The following ITPK1 variants were observed in gnomAD, a reference collection of about 807,000 sequenced individuals.
ITPK1 encodes inositol-tetrakisphosphate 1-kinase.
Under a neutral mutation model 45.3 loss-of-function variants are expected in ITPK1, and 21 were observed. The ratio of observed to expected loss-of-function variants is 0.46; its 90% confidence interval spans 0.33 to 0.67. The LOEUF (loss-of-function observed/expected upper bound fraction) is 0.67. Ranked by LOEUF, ITPK1 falls within the 30% of genes least tolerant of loss-of-function variation. The pLI is 0.02. For missense variants in ITPK1, 474 were observed against 573.5 expected (o/e 0.83, Z 1.77); for synonymous variants, 258 against 253.6 (o/e 1.02, Z -0.16).
chr14:92,982,849 A>G (rs1886300904), intron 5 of ITPK1, among the ~76,000 whole-genome samples: 1 of 152,200 alleles, frequency 6.6e-6, no homozygotes, highest in East Asian at 1.9e-4. Flanking sequence ...TGCTCCTTGA[A>G]GGCATCTAAG....
intron 3 of ITPK1, among the ~76,000 whole-genome samples, chr14:93,074,069 A>G (rs1017407437): frequency 6.6e-6 from 1 of 152,256 alleles, no homozygotes; most frequent in Non-Finnish European, 1.5e-5. Flanking sequence ...AAGCCAGCCA[A>G]GTGGCTTGGC....
At chr14:93,097,070 C>T (rs1892108532) in intron 2 of ITPK1, among the ~76,000 whole-genome samples, 1 of 152,176 alleles carries the variant, frequency 6.6e-6, no homozygotes, top group Non-Finnish European at 1.5e-5. Flanking sequence ...CTTCTCCGCC[C>T]CTCCCCATAC....
Position 93,113,020 on chromosome 14 carries a change from TAAG to T in ITPK1, c.95+2046_95+2048del. Among the ~76,000 whole-genome samples, 2 of 152,108 alleles carry T rather than the reference TAAG, an allele frequency of 1.3e-5. 1 individual carries two copies. The highest frequency in any genetic ancestry group is 4.2e-4 in the South Asian group (2 of 4,812). ...GGGGCACTGCCCTGAAAGTAATAAATAAGAAACGGAAAAACTCTTTGGTGTTTT... is the reference window on the plus strand; with the variant it reads ...GGGGCACTGCCCTGAAAGTAATAAATAAACGGAAAAACTCTTTGGTGTTTT... On this transcript the variant is annotated intron_variant, in intron 2 of 10. Transcript: ENST00000267615.
At chr14:92,977,899 T>C (rs1484975812) in intron 5 of ITPK1, among the ~76,000 whole-genome samples, 2 of 151,930 alleles carry the variant, frequency 1.3e-5, no homozygotes, top group South Asian at 2.1e-4. Flanking sequence ...GGGGCACTGC[T>C]ATAAGGATAT....
chr14:93,047,396 T>C (rs1889822132), intron 3 of ITPK1, among the ~76,000 whole-genome samples: 1 of 152,198 alleles, frequency 6.6e-6, no homozygotes, highest in Non-Finnish European at 1.5e-5. Flanking sequence ...TGATCTTACT[T>C]GAAAACAGGG....
At chr14:93,072,130 T>TTA (rs1422752957) in intron 3 of ITPK1, 1 of 133,646 alleles carries the variant, frequency 7.5e-6, no homozygotes, top group African/African-American at 3.1e-5. Flanking sequence ...CCATCTCTAC[T>TTA]TAAAAAAAAA....
chr14:93,021,067 T>C (rs1179113345), intron 3 of ITPK1, among the ~76,000 whole-genome samples: 1 of 152,094 alleles, frequency 6.6e-6, no homozygotes, highest in South Asian at 2.1e-4. Flanking sequence ...ACTATTCTTA[T>C]TATTACTGAC....
At chr14:92,952,956 C>T (rs1016086396) in intron 8 of ITPK1, among the ~76,000 whole-genome samples, 5 of 152,250 alleles carry the variant, frequency 3.3e-5, no homozygotes, top group Non-Finnish European at 5.9e-5. Flanking sequence ...AAGGCTGGCA[C>T]GGGACCGTCC....
At chr14:92,945,653 C>A (rs1221163269) in intron 10 of ITPK1, among the ~76,000 whole-genome samples, 1 of 152,206 alleles carries the variant, frequency 6.6e-6, no homozygotes, top group Non-Finnish European at 1.5e-5. Flanking sequence ...AGGCACGCAG[C>A]CTGGTGACCG....
chr14:93,051,922 A>G (rs1021558411), intron 3 of ITPK1, among the ~76,000 whole-genome samples: 7 of 152,186 alleles, frequency 4.6e-5, no homozygotes, highest in African/African-American at 1.7e-4. Flanking sequence ...AAGAATAAGT[A>G]CCTATTTCAA....
intron 5 of ITPK1, among the ~76,000 whole-genome samples, chr14:92,982,851 G>T (rs1349612679): frequency 6.6e-6 from 1 of 152,196 alleles, no homozygotes; most frequent in Non-Finnish European, 1.5e-5. Flanking sequence ...CTCCTTGAAG[G>T]CATCTAAGAG....
At chr14:92,980,545 C>G (rs1886171065) in intron 5 of ITPK1, among the ~76,000 whole-genome samples, 2 of 152,220 alleles carry the variant, frequency 1.3e-5, no homozygotes, top group African/African-American at 4.8e-5. Context: ...GTATCTGCCA[C>G]TGGAATGCCC....
chr14:93,020,272 G>A (rs1888404454), intron 3 of ITPK1, among the ~76,000 whole-genome samples: 1 of 152,232 alleles, frequency 6.6e-6, no homozygotes, highest in African/African-American at 2.4e-5. Context: ...ACCCAGCCTG[G>A]TAACCAAGCT....
At chr14:93,110,303 A>T (rs1179482919) in intron 2 of ITPK1, among the ~76,000 whole-genome samples, 1 of 152,088 alleles carries the variant, frequency 6.6e-6, no homozygotes, top group African/African-American at 2.4e-5. Flanking sequence ...CTAAGTCAGC[A>T]CCTCTTCCCA....
intron 3 of ITPK1, among the ~76,000 whole-genome samples, chr14:93,049,530 T>C (rs1192973254): frequency 6.6e-6 from 1 of 152,032 alleles, no homozygotes; most frequent in Non-Finnish European, 1.5e-5. Flanking sequence ...AAGGGCCTCA[T>C]AAACCATTCT....
chr14:92,969,885 T>C (rs1397559323), intron 5 of ITPK1, among the ~76,000 whole-genome samples: 3 of 152,142 alleles, frequency 2.0e-5, no homozygotes, highest in Admixed American at 6.5e-5. Flanking sequence ...AATGCTCCCG[T>C]CTTCCCTCTC....
chr14:92,962,670 G>A, intron 6 of ITPK1, 81 bp downstream of exon 6: 1 of 1,054,434 alleles, frequency 9.5e-7, no homozygotes, highest in Non-Finnish European at 1.5e-6. Context: ...AATCCAGAGG[G>A]CACTATAAAC....
At chr14:93,095,574 G>GT (rs34003729) in intron 2 of ITPK1, among the ~76,000 whole-genome samples, 6,020 of 137,278 alleles carry the variant, frequency 0.044, 136 homozygotes, top group East Asian at 0.068. Context: ...CACGGACTAG[G>GT]TTTTTTTTTT....
chr14:92,993,400 G>A (rs376307356), intron 5 of ITPK1, among the ~76,000 whole-genome samples: 1 of 152,298 alleles, frequency 6.6e-6, no homozygotes, highest in Admixed American at 6.5e-5. Flanking sequence ...CAGCTGGCAG[G>A]GGAGGCGCCG....
Sources: allele counts gnomAD v4.1 joint callset (sites outside exome capture counted in the v4.1 genomes callset), GRCh38; gene constraint gnomAD v4.1.1; transcripts MANE v1.5; gene names NCBI Gene and HGNC (gene_info 2026-07-23, HGNC 2026-07-21).